The following KCNMA1 variants were observed in gnomAD, a reference collection of about 807,000 sequenced individuals.
KCNMA1 encodes Calcium-activated potassium channel subunit alpha-1.
In KCNMA1, 29 loss-of-function variants were observed where a neutral mutation model predicts 140.0. The ratio of observed to expected loss-of-function variants is 0.21; its 90% CI spans 0.15 to 0.28. KCNMA1 has a LOEUF of 0.28. Among genes scored for constraint, KCNMA1 ranks in the 10% least tolerant of loss-of-function variants. The pLI is 1.00. For missense variants in KCNMA1, 880 were observed against 1,602.2 expected (o/e 0.55, Z 7.70); for synonymous variants, 612 against 611.9 (o/e 1.00, Z 0.00).
intron 3 of KCNMA1, among the ~76,000 whole-genome samples, chr10:77,197,261 A>C (rs898071397): frequency 2.0e-5 from 3 of 152,208 alleles, no homozygotes; most frequent in African/African-American, 7.2e-5. Flanking sequence ...TTTTATTTAG[A>C]TATTTGTTAG....
At chr10:77,175,798 C>T (rs1047174375) in intron 5 of KCNMA1, among the ~76,000 whole-genome samples, 1 of 152,122 alleles carries the variant, frequency 6.6e-6, no homozygotes, top group Non-Finnish European at 1.5e-5. Context: ...CAGCTAGCAG[C>T]CTAGTGGAGC....
intron 1 of KCNMA1, among the ~76,000 whole-genome samples, chr10:77,591,388 T>G (rs1487354735): frequency 6.6e-6 from 1 of 152,154 alleles, no homozygotes. Flanking sequence ...CAGGAAGCCC[T>G]CCTGGCTCTT....
intron 22 of KCNMA1, among the ~76,000 whole-genome samples, chr10:76,945,807 A>C (rs1031617974): frequency 1.6e-4 from 2 of 12,504 alleles, no homozygotes; most frequent in African/African-American, 4.3e-3. Flanking sequence ...TCATTTATGT[A>C]AAAAAAAAAA....
chr10:77,236,986 A>T (rs999389778), intron 3 of KCNMA1, among the ~76,000 whole-genome samples: 1 of 152,186 alleles, frequency 6.6e-6, no homozygotes, highest in Non-Finnish European at 1.5e-5. Context: ...TTCACAAACC[A>T]TGAATGAGTT....
chr10:77,522,898 C>T (rs1262410247), intron 1 of KCNMA1, among the ~76,000 whole-genome samples: 2 of 152,182 alleles, frequency 1.3e-5, no homozygotes, highest in African/African-American at 2.4e-5. Flanking sequence ...AATAGCAACA[C>T]CTACTGTTAA....
At chr10:77,124,970 T>C (rs771187745) in intron 5 of KCNMA1, among the ~76,000 whole-genome samples, 66 of 152,258 alleles carry the variant, frequency 4.3e-4, no homozygotes, top group Non-Finnish European at 7.5e-4. Context: ...CTACTTCACA[T>C]GGTGGCAGGA....
At chr10:77,463,028 A>T (rs924677898) in intron 1 of KCNMA1, among the ~76,000 whole-genome samples, 3 of 152,150 alleles carry the variant, frequency 2.0e-5, no homozygotes, top group East Asian at 3.9e-4. Flanking sequence ...GGTGGGGAGA[A>T]GGTGGAAGAA....
intron 25 of KCNMA1, chr10:76,903,261 T>C (rs2046335183): frequency 6.6e-6 from 1 of 152,262 alleles, no homozygotes; most frequent in African/African-American, 2.4e-5. Context: ...TTAAACTAAT[T>C]GGTCTTTTAT....
chr10:77,117,491 G>A (rs981279548), intron 6 of KCNMA1, among the ~76,000 whole-genome samples: 11 of 128,852 alleles, frequency 8.5e-5, no homozygotes, highest in Admixed American at 6.1e-4. Context: ...GGAGGTTGCA[G>A]TGAGCTGAGA....
chr10:77,327,711 C>A (rs115706898), intron 2 of KCNMA1, among the ~76,000 whole-genome samples: 1 of 151,960 alleles, frequency 6.6e-6, no homozygotes, highest in Non-Finnish European at 1.5e-5. Context: ...GAAACCAGAC[C>A]CCACTGTAAG....
intron 2 of KCNMA1, among the ~76,000 whole-genome samples, chr10:77,374,954 G>C (rs1303888616): frequency 6.6e-6 from 1 of 152,162 alleles, no homozygotes; most frequent in Non-Finnish European, 1.5e-5. Context: ...TCTCACACAA[G>C]GCCTAAACCA....
intron 3 of KCNMA1, among the ~76,000 whole-genome samples, chr10:77,219,239 T>TCTG (rs2048778675): frequency 6.6e-6 from 1 of 152,180 alleles, no homozygotes; most frequent in Admixed American, 6.5e-5. Context: ...TTGTTATTGT[T>TCTG]CTGCTTTCCA....
At chr10:77,059,736 C>T (rs1263581292) in intron 14 of KCNMA1, among the ~76,000 whole-genome samples, 4 of 152,070 alleles carry the variant, frequency 2.6e-5, no homozygotes, top group Non-Finnish European at 5.9e-5. Flanking sequence ...ATCTACAAAA[C>T]ATCTATAGTT....
At chr10:77,565,103 G>T (rs950513948) in intron 1 of KCNMA1, among the ~76,000 whole-genome samples, 4 of 152,318 alleles carry the variant, frequency 2.6e-5, no homozygotes, top group African/African-American at 7.2e-5. Flanking sequence ...GCCCCATCAA[G>T]GGCCACTCTC....
chr10:77,090,562 C>G lies in KCNMA1; in HGVS notation c.1224-52G>C, dbSNP rs11002011. 0.03 allele frequency: 35,983 copies of G among 1,180,488 alleles called. 734 individuals carry two copies. Among genetic ancestry groups the G allele is most frequent in the Admixed American group, 0.053 (3,128 of 59,388 alleles). The allele number at this position is 1,180,488 out of a possible 1,614,324, so 73.1% of individuals were successfully genotyped here. A position where few individuals can be genotyped will look rare whatever the true frequency, so the allele number is the denominator to read the frequency against. On this transcript the variant is annotated intron_variant, in intron 9 of 27. Transcript: ENST00000286628. ...GGCCAGGCACCACGACAGGACCCTG[C>G]ATCCCACCCCCTGGCAAGACAGCAG... is the stretch of plus-strand genomic sequence containing the variant.
At chr10:77,142,210 T>C (rs1564789065) in intron 5 of KCNMA1, among the ~76,000 whole-genome samples, 1 of 149,396 alleles carries the variant, frequency 6.7e-6, no homozygotes, top group South Asian at 2.1e-4. Flanking sequence ...TACTAAAAAA[T>C]ACAAAAAAAA....
chr10:77,289,684 C>T (rs1197703168), intron 2 of KCNMA1, among the ~76,000 whole-genome samples: 1 of 152,118 alleles, frequency 6.6e-6, no homozygotes, highest in Non-Finnish European at 1.5e-5. Context: ...GTTTTAATGG[C>T]TATTTCAATA....
chr10:77,544,378 T>C (rs2060925357), intron 1 of KCNMA1, among the ~76,000 whole-genome samples: 1 of 152,326 alleles, frequency 6.6e-6, no homozygotes, highest in South Asian at 2.1e-4. Context: ...GAGCACGGCA[T>C]CTAGCCCAGG....
At chr10:77,205,049 C>T (rs1346890597) in intron 3 of KCNMA1, among the ~76,000 whole-genome samples, 1 of 152,190 alleles carries the variant, frequency 6.6e-6, no homozygotes, top group Non-Finnish European at 1.5e-5. Context: ...GAATTTGAGG[C>T]TCTCCTCCCA....
Sources: allele counts gnomAD v4.1 joint callset (sites outside exome capture counted in the v4.1 genomes callset), GRCh38; gene constraint gnomAD v4.1.1; transcripts MANE v1.5; gene names NCBI Gene and HGNC (gene_info 2026-07-23, HGNC 2026-07-21).